The following METTL25 variants were observed in gnomAD, a reference collection of about 807,000 sequenced individuals.
The protein encoded by METTL25 is probable methyltransferase-like protein 25.
In METTL25, 64 loss-of-function variants were observed where a neutral mutation model predicts 71.6. The observed-to-expected ratio is 0.89, with a 90% CI of 0.73 to 1.10. The LOEUF (loss-of-function observed/expected upper bound fraction) is 1.10, where lower values mean the gene tolerates loss of function less well. METTL25 is among the 50% of genes least tolerant of loss of function. The probability of loss-of-function intolerance (pLI) is 0.00; values close to 1 mark genes in which losing one functional copy is unlikely to be tolerated. For synonymous variants in METTL25, 287 were observed against 250.3 expected, an observed-to-expected ratio of 1.15 and a Z score of -1.38; for missense variants, 807 against 707.0, an observed-to-expected ratio of 1.14 and a Z score of -1.60.
chr12:82,417,402 T>C, intron 5 of METTL25, among the ~76,000 whole-genome samples: 1 of 152,258 alleles, frequency 6.6e-6, no homozygotes, highest in Admixed American at 6.5e-5. Context: ...ACATAAGTAA[T>C]AAATATATTC....
intron 8 of METTL25, among the ~76,000 whole-genome samples, chr12:82,451,002 T>A (rs1327100817): frequency 6.6e-6 from 1 of 152,168 alleles, no homozygotes; most frequent in Non-Finnish European, 1.5e-5. Context: ...GTTTTATTTA[T>A]TTGTGTTGTT....
At chr12:82,378,764 C>A (rs10778903) in intron 1 of METTL25, among the ~76,000 whole-genome samples, 140,712 of 152,250 alleles carry the variant, frequency 0.92, 65,349 homozygotes, top group East Asian at 1. Context: ...CAATAGCTCA[C>A]ACTTATGATC....
chr12:82,377,939 T>C (rs1592607076), intron 1 of METTL25, among the ~76,000 whole-genome samples: 1 of 152,234 alleles, frequency 6.6e-6, no homozygotes, highest in African/African-American at 2.4e-5. Context: ...GAACTGCTGG[T>C]TGAAAACATT....
chr12:82,423,341 G>A (rs1888694326), intron 5 of METTL25, among the ~76,000 whole-genome samples: 1 of 152,188 alleles, frequency 6.6e-6, no homozygotes, highest in Admixed American at 6.5e-5. Flanking sequence ...CTAGCCATAT[G>A]TAGAAAGCTG....
intron 3 of METTL25, among the ~76,000 whole-genome samples, chr12:82,393,575 T>TTTGAC (rs1213916041): frequency 1.3e-5 from 2 of 152,070 alleles, no homozygotes; most frequent in Admixed American, 1.3e-4. Flanking sequence ...ACAAAGATCA[T>TTTGAC]TTGACTTTTT....
chr12:82,465,609 G>A (rs1053251534), intron 9 of METTL25, among the ~76,000 whole-genome samples: 1 of 151,888 alleles, frequency 6.6e-6, no homozygotes, highest in Non-Finnish European at 1.5e-5. Flanking sequence ...GCGTTATGCT[G>A]ACCTCGTATA....
chr12:82,472,188 C>T (rs1892609463), intron 9 of METTL25, among the ~76,000 whole-genome samples: 1 of 152,020 alleles, frequency 6.6e-6, no homozygotes, highest in African/African-American at 2.4e-5. Flanking sequence ...TCACTTATGT[C>T]TATAAAGATG....
At chr12:82,367,854 A>G (rs886884860) in intron 1 of METTL25, among the ~76,000 whole-genome samples, 1 of 152,106 alleles carries the variant, frequency 6.6e-6, no homozygotes, top group African/African-American at 2.4e-5. Flanking sequence ...TGGAAAGAAT[A>G]TGGATTTTAG....
chr12:82,403,463 T>A (rs945644746), intron 5 of METTL25, among the ~76,000 whole-genome samples: 8 of 152,216 alleles, frequency 5.3e-5, no homozygotes, highest in South Asian at 2.1e-4. Flanking sequence ...TTAGTAAAAC[T>A]GAGTTATTTT....
At chr12:82,408,206 T>C (rs963344736) in intron 5 of METTL25, among the ~76,000 whole-genome samples, 22 of 152,178 alleles carry the variant, frequency 1.4e-4, no homozygotes, top group African/African-American at 4.8e-4. Context: ...GGATGACTTA[T>C]AGATATATGT....
At chr12:82,422,564 G>A (rs1371600694) in intron 5 of METTL25, among the ~76,000 whole-genome samples, 1 of 152,120 alleles carries the variant, frequency 6.6e-6, no homozygotes, top group East Asian at 1.9e-4. Context: ...GGCAGGAGAA[G>A]CAAATAAAGG....
Position 82,479,052 on chromosome 12 carries a change from A to G in METTL25, c.*28A>G, listed in dbSNP as rs756468828. ...TCCATTGAAGCAAATTATTAGATGTATTTCTCTATGAGACCTGTTGCTGAG... is the reference window on the plus strand; with the variant it reads ...TCCATTGAAGCAAATTATTAGATGTGTTTCTCTATGAGACCTGTTGCTGAG... On this transcript the variant is annotated 3_prime_UTR_variant, in exon 12 of 12. Coordinates refer to ENST00000248306, the MANE Select transcript of METTL25 (RefSeq NM_032230.3). The G allele has an allele frequency of 8.4e-5, 134 of 1,587,974 alleles. No individual in the cohort carries two copies. The highest frequency in any genetic ancestry group is 1.1e-4 in the Non-Finnish European group (124 of 1,157,376).
intron 3 of METTL25, among the ~76,000 whole-genome samples, chr12:82,393,509 C>T (rs1343185059): frequency 6.6e-6 from 1 of 151,912 alleles, no homozygotes; most frequent in African/African-American, 2.4e-5. Flanking sequence ...TTTATCAGTT[C>T]TAATCGTTTT....
intron 9 of METTL25, among the ~76,000 whole-genome samples, chr12:82,475,055 G>C (rs934600554): frequency 2.0e-5 from 3 of 152,148 alleles, no homozygotes; most frequent in Admixed American, 2.0e-4. Context: ...CTGGTGACCA[G>C]CATGGTGCTT....
At chr12:82,447,700 A>G (rs1890855483) in intron 8 of METTL25, among the ~76,000 whole-genome samples, 1 of 152,116 alleles carries the variant, frequency 6.6e-6, no homozygotes, top group Admixed American at 6.5e-5. Flanking sequence ...ATAGAAATCA[A>G]GGTATTTAAT....
chr12:82,443,462 CA>C (rs67737833), intron 8 of METTL25, among the ~76,000 whole-genome samples: 78,921 of 96,478 alleles, frequency 0.82, 31,133 homozygotes, highest in East Asian at 0.91. Flanking sequence ...CAGAGGAGAC[CA>C]AAAAAAAAAA....
At chr12:82,371,518 C>G (rs1297828595) in intron 1 of METTL25, among the ~76,000 whole-genome samples, 1 of 152,172 alleles carries the variant, frequency 6.6e-6, no homozygotes, top group Non-Finnish European at 1.5e-5. Context: ...TCTGAACCAC[C>G]AAGGTTTGTC....
At chr12:82,363,002 C>A (rs186995933) in intron 1 of METTL25, among the ~76,000 whole-genome samples, 2 of 152,142 alleles carry the variant, frequency 1.3e-5, no homozygotes, top group Non-Finnish European at 2.9e-5. Context: ...ATGCTCCTAG[C>A]CCCTGTAGAT....
chr12:82,412,387 T>C (rs1229606290), intron 5 of METTL25, among the ~76,000 whole-genome samples: 1 of 152,128 alleles, frequency 6.6e-6, no homozygotes, highest in African/African-American at 2.4e-5. Context: ...AATGGTTGGC[T>C]CTGCCTCTGA....
Sources: allele counts gnomAD v4.1 joint callset (sites outside exome capture counted in the v4.1 genomes callset), GRCh38; gene constraint gnomAD v4.1.1; transcripts MANE v1.5; gene names NCBI Gene and HGNC (gene_info 2026-07-23, HGNC 2026-07-21).